Variants in SEMA3A observed in about 807,000 individuals in gnomAD.
SEMA3A encodes the protein semaphorin-3A.
SEMA3A carries 29 observed loss-of-function variants against 97.9 expected under a neutral mutation model. The ratio of observed to expected loss-of-function variants is 0.30; its 90% CI spans 0.22 to 0.40. The LOEUF (loss-of-function observed/expected upper bound fraction) is 0.40. SEMA3A is among the 10% of genes least tolerant of loss of function. SEMA3A has a pLI of 1.00. For synonymous variants in SEMA3A, 321 were observed against 323.7 expected, an observed-to-expected ratio of 0.99 and a Z score of 0.09; for missense variants, 763 against 951.3, an observed-to-expected ratio of 0.80 and a Z score of 2.60.
chr7:84,298,914 G>A (rs953505166), intron 3 of SEMA3A, among the ~76,000 whole-genome samples: 3 of 152,228 alleles, frequency 2.0e-5, no homozygotes, highest in Non-Finnish European at 2.9e-5. Flanking sequence ...CGATGGAAGA[G>A]GAGACTTGGT....
intron 1 of SEMA3A, among the ~76,000 whole-genome samples, chr7:84,403,301 A>G (rs1006348089): frequency 6.6e-6 from 1 of 152,180 alleles, no homozygotes; most frequent in Non-Finnish European, 1.5e-5. Flanking sequence ...GCTCATTGCT[A>G]GCACAGCAGT....
At chr7:84,208,086 C>T (rs1470435524) in intron 3 of SEMA3A, among the ~76,000 whole-genome samples, 2 of 152,050 alleles carry the variant, frequency 1.3e-5, no homozygotes, top group East Asian at 1.9e-4. Flanking sequence ...ATTATATACA[C>T]ACACATCCAT....
chr7:84,049,909 A>C (rs868269833), intron 5 of SEMA3A, among the ~76,000 whole-genome samples: 2,088 of 126,506 alleles, frequency 0.017, 57 homozygotes, highest in African/African-American at 0.06. Context: ...GTTCCCCTTC[A>C]TGTGTCCATG....
chr7:84,165,202 G>A (rs890474280), intron 1 of SEMA3A, among the ~76,000 whole-genome samples: 6 of 147,926 alleles, frequency 4.1e-5, no homozygotes, highest in Non-Finnish European at 5.9e-5. Flanking sequence ...GTGAGTCCTC[G>A]TCTCAAAATA....
At chr7:84,342,675 T>C (rs1802198577) in intron 2 of SEMA3A, among the ~76,000 whole-genome samples, 1 of 152,218 alleles carries the variant, frequency 6.6e-6, no homozygotes. Context: ...CTATTTGCTA[T>C]GGTTGGCAAT....
intron 13 of SEMA3A, among the ~76,000 whole-genome samples, chr7:83,983,110 G>A (rs559889895): frequency 6.6e-6 from 1 of 152,032 alleles, no homozygotes; most frequent in East Asian, 1.9e-4. Flanking sequence ...CTATAAACCA[G>A]GACAAATTAA....
At chr7:84,026,134 T>C (rs1791535191) in intron 6 of SEMA3A, among the ~76,000 whole-genome samples, 2 of 152,126 alleles carry the variant, frequency 1.3e-5, no homozygotes, top group Non-Finnish European at 2.9e-5. Context: ...GAATAAGAAG[T>C]GAAAGGCTTT....
intron 1 of SEMA3A, among the ~76,000 whole-genome samples, chr7:84,485,439 G>A (rs1251904543): frequency 2.0e-5 from 3 of 151,696 alleles, no homozygotes; most frequent in African/African-American, 7.3e-5. Flanking sequence ...GCAGTGGGGC[G>A]ATCATAGTTG....
At chr7:84,236,594 C>T (rs187209457) in intron 3 of SEMA3A, among the ~76,000 whole-genome samples, 223 of 152,252 alleles carry the variant, frequency 1.5e-3, no homozygotes, top group Non-Finnish European at 2.3e-3. Context: ...CTCGCAAATA[C>T]TCTATTAGTC....
chr7:84,356,512 G>T (rs1467760967), intron 2 of SEMA3A, among the ~76,000 whole-genome samples: 1 of 151,420 alleles, frequency 6.6e-6, no homozygotes, highest in Admixed American at 6.6e-5. Context: ...TCTGAAATTT[G>T]TTTCTCTAAT....
chr7:84,458,708 C>T (rs79957367), intron 1 of SEMA3A, among the ~76,000 whole-genome samples: 2,899 of 151,910 alleles, frequency 0.019, 95 homozygotes, highest in African/African-American at 0.066. Context: ...GATCATATTT[C>T]GGTGGTATAT....
chr7:84,466,706 C>T (rs1190358485), intron 1 of SEMA3A, among the ~76,000 whole-genome samples: 1 of 152,180 alleles, frequency 6.6e-6, no homozygotes, highest in African/African-American at 2.4e-5. Context: ...CAACCTCAGG[C>T]TGGAAGATTA....
chr7:84,444,803 G>A (rs933968205), intron 1 of SEMA3A, among the ~76,000 whole-genome samples: 3 of 151,798 alleles, frequency 2.0e-5, no homozygotes, highest in African/African-American at 4.8e-5. Flanking sequence ...CTCGTGATCC[G>A]CCTGCCACAG....
intron 6 of SEMA3A, among the ~76,000 whole-genome samples, chr7:84,032,433 G>A (rs898333813): frequency 6.6e-6 from 1 of 152,090 alleles, no homozygotes; most frequent in Non-Finnish European, 1.5e-5. Context: ...AAAAACACCA[G>A]AAATTCAGGA....
At chr7:84,290,811 C>A (rs1800722850) in intron 3 of SEMA3A, among the ~76,000 whole-genome samples, 1 of 152,124 alleles carries the variant, frequency 6.6e-6, no homozygotes, top group African/African-American at 2.4e-5. Context: ...GATTAGATGA[C>A]TGTACCCTCT....
At chr7:84,157,793 T>C (rs1009229265) in intron 1 of SEMA3A, among the ~76,000 whole-genome samples, 4 of 152,180 alleles carry the variant, frequency 2.6e-5, no homozygotes, top group Non-Finnish European at 5.9e-5. Flanking sequence ...CTTGGACTCA[T>C]GCAACAGAAT....
intron 6 of SEMA3A, among the ~76,000 whole-genome samples, chr7:84,036,393 T>A (rs1038399968): frequency 6.6e-6 from 1 of 152,096 alleles, no homozygotes; most frequent in Non-Finnish European, 1.5e-5. Context: ...TATTTGCATT[T>A]AAAAAAATGG....
chr7:84,294,763 T>C (rs1407454403), intron 3 of SEMA3A, among the ~76,000 whole-genome samples: 4 of 152,088 alleles, frequency 2.6e-5, no homozygotes, highest in African/African-American at 9.6e-5. Context: ...AACTGTCAGA[T>C]ACTTTGATCA....
chr7:84,397,452 ATAAC>A (rs1032803743), intron 1 of SEMA3A, among the ~76,000 whole-genome samples: 3 of 148,312 alleles, frequency 2.0e-5, no homozygotes, highest in Admixed American at 6.8e-5. Context: ...TTTTACATAT[ATAAC>A]GTATACATAA....
Sources: allele counts gnomAD v4.1 joint callset (sites outside exome capture counted in the v4.1 genomes callset), GRCh38; gene constraint gnomAD v4.1.1; transcripts MANE v1.5; gene names NCBI Gene and HGNC (gene_info 2026-07-23, HGNC 2026-07-21).